The following DSTN variants were observed in gnomAD, a reference collection of about 807,000 sequenced individuals.
DSTN encodes destrin.
DSTN carries 10 observed loss-of-function variants against 16.8 expected under a neutral mutation model. The ratio of observed to expected loss-of-function variants is 0.60; its 90% CI spans 0.37 to 1.01. The LOEUF (loss-of-function observed/expected upper bound fraction) is 1.01. Ranked by LOEUF, DSTN falls within the 50% of genes least tolerant of loss-of-function variation. The probability of loss-of-function intolerance (pLI) is 0.01; values close to 1 mark genes in which losing one functional copy is unlikely to be tolerated. For missense variants in DSTN, 141 were observed against 196.7 expected, an observed-to-expected ratio of 0.72 and a Z score of 1.69; for synonymous variants, 57 against 58.9, an observed-to-expected ratio of 0.97 and a Z score of 0.14.
chr20:17,590,910 C>G (rs2035461905), intron 1 of DSTN, among the ~76,000 whole-genome samples: 1 of 152,098 alleles, frequency 6.6e-6, no homozygotes, highest in South Asian at 2.1e-4. Flanking sequence ...AGTTCGAGAC[C>G]AGCCTGGGCA....
intron 1 of DSTN, chr20:17,591,804 G>C (rs2035472456): frequency 1.3e-6 from 1 of 762,490 alleles, no homozygotes; most frequent in African/African-American, 1.9e-5. Context: ...GTTAGTAGAG[G>C]AATGGGGATG....
At chr20:17,581,497 A>G (rs374979523) in intron 1 of DSTN, among the ~76,000 whole-genome samples, 1 of 151,720 alleles carries the variant, frequency 6.6e-6, no homozygotes, top group African/African-American at 2.4e-5. Context: ...CAAACAAACA[A>G]CAACACAACC....
intron 1 of DSTN, among the ~76,000 whole-genome samples, chr20:17,582,077 ATTTTTT>A (rs35744527): frequency 7.9e-6 from 1 of 126,734 alleles, no homozygotes; most frequent in Non-Finnish European, 1.6e-5. Context: ...TGAAATATAC[ATTTTTT>A]TTTTTTTTTT....
chr20:17,577,504 T>G (rs897837906), intron 1 of DSTN, among the ~76,000 whole-genome samples: 90 of 151,628 alleles, frequency 5.9e-4, no homozygotes, highest in Non-Finnish European at 1.1e-3. Flanking sequence ...GAGGCGGAGG[T>G]TGTGGTGAAC....
chr20:17,582,074 T>C (rs1410711673), intron 1 of DSTN, among the ~76,000 whole-genome samples: 1 of 140,082 alleles, frequency 7.1e-6, no homozygotes, highest in Non-Finnish European at 1.5e-5. Context: ...CTATGAAATA[T>C]ACATTTTTTT....
At chr20:17,577,540 C>G (rs6131975) in intron 1 of DSTN, among the ~76,000 whole-genome samples, 1 of 148,920 alleles carries the variant, frequency 6.7e-6, no homozygotes, top group Non-Finnish European at 1.5e-5. Context: ...GCACTCCAGC[C>G]TGGGCAACAA....
chr20:17,582,254 A>G (rs2035354506), intron 1 of DSTN, among the ~76,000 whole-genome samples: 1 of 151,732 alleles, frequency 6.6e-6, no homozygotes, highest in South Asian at 2.1e-4. Flanking sequence ...AATTTTTTAT[A>G]TCTTTAGTAG....
chr20:17,598,398 C>A lies in DSTN; in HGVS notation c.4-2340C>A, dbSNP rs1190706063. Among the ~76,000 whole-genome samples, 3 of 152,290 alleles carry A rather than the reference C, an allele frequency of 2.0e-5. No individual in the cohort carries two copies. In the South Asian group the frequency reaches 6.2e-4, roughly 32 times the overall value. ...ATTTTAGCCCTCCTAGTGGGTGACTCATTATGGTTTTGAAGTGAAGAGGTA... is the reference window on the plus strand; with the variant it reads ...ATTTTAGCCCTCCTAGTGGGTGACTAATTATGGTTTTGAAGTGAAGAGGTA... On this transcript the variant is annotated intron_variant, in intron 1 of 3. Transcript: ENST00000246069.
intron 1 of DSTN, among the ~76,000 whole-genome samples, chr20:17,579,496 T>C (rs1459789901): frequency 1.3e-5 from 2 of 151,784 alleles, no homozygotes; most frequent in African/African-American, 4.8e-5. Flanking sequence ...GGTGAGAGGA[T>C]TGCTTGAGCC....
chr20:17,609,760 C>T lies in DSTN; in HGVS notation c.*2614C>T, dbSNP rs2035679665. The T allele has an allele frequency of 6.6e-6, 1 of 152,200 alleles. No homozygotes were observed. 9.4% of individuals were successfully genotyped at this position (152,200 alleles called of 1,614,324 possible). ...TGATTGGTCTACTGTTGGTCAGGAACAAAACTGCAAGTATACTCTGTTTCC... is the reference window on the plus strand; with the variant it reads ...TGATTGGTCTACTGTTGGTCAGGAATAAAACTGCAAGTATACTCTGTTTCC... On this transcript the variant is annotated 3_prime_UTR_variant, in exon 4 of 4. Coordinates refer to ENST00000246069, the MANE Select transcript of DSTN (RefSeq NM_006870.4).
chr20:17,576,152 C>T (rs1395982736), intron 1 of DSTN: 1 of 152,132 alleles, frequency 6.6e-6, no homozygotes, highest in Non-Finnish European at 1.5e-5. Flanking sequence ...GTACTAAGAC[C>T]CCCATTGAGT....
intron 1 of DSTN, chr20:17,596,564 TTC>T (rs2035528878): frequency 3.2e-6 from 3 of 952,188 alleles, no homozygotes; most frequent in Admixed American, 6.2e-5. Context: ...CCTTGAATTT[TTC>T]TGTTTTTAAC....
At chr20:17,580,067 G>A (rs1221033716) in intron 1 of DSTN, among the ~76,000 whole-genome samples, 1 of 152,204 alleles carries the variant, frequency 6.6e-6, no homozygotes. Context: ...AAAAGAGTTG[G>A]AGGAGTGCAT....
At chr20:17,577,192 T>C (rs993623394) in intron 1 of DSTN, among the ~76,000 whole-genome samples, 2 of 152,224 alleles carry the variant, frequency 1.3e-5, no homozygotes, top group Non-Finnish European at 2.9e-5. Context: ...AATTTGAAAA[T>C]ATCTGAAATC....
At chr20:17,576,834 T>A (rs778356728) in intron 1 of DSTN, among the ~76,000 whole-genome samples, 31 of 152,228 alleles carry the variant, frequency 2.0e-4, no homozygotes, top group Non-Finnish European at 4.1e-4. Context: ...CTATCTTGGC[T>A]TGCTTTCAGA....
intron 1 of DSTN, among the ~76,000 whole-genome samples, chr20:17,582,579 G>C (rs999581662): frequency 1.3e-5 from 2 of 152,166 alleles, no homozygotes; most frequent in Non-Finnish European, 2.9e-5. Context: ...TGTGACGTGA[G>C]TGCCAGGATA....
chr20:17,585,736 A>C (rs907703870), intron 1 of DSTN, among the ~76,000 whole-genome samples: 2 of 152,118 alleles, frequency 1.3e-5, no homozygotes, highest in African/African-American at 4.8e-5. Context: ...CTTCACACAC[A>C]AAAAATTCCT....
intron 1 of DSTN, among the ~76,000 whole-genome samples, chr20:17,589,093 C>A (rs2035442824): frequency 6.6e-6 from 1 of 152,074 alleles, no homozygotes; most frequent in South Asian, 2.1e-4. Context: ...ATTTGAACTT[C>A]CATATTTCTT....
intron 1 of DSTN, among the ~76,000 whole-genome samples, chr20:17,591,365 G>C (rs1276442129): frequency 6.8e-6 from 1 of 148,112 alleles, no homozygotes; most frequent in African/African-American, 2.5e-5. Context: ...GGGCAATCCT[G>C]TATATTTTAT....
Sources: allele counts gnomAD v4.1 joint callset (sites outside exome capture counted in the v4.1 genomes callset), GRCh38; gene constraint gnomAD v4.1.1; transcripts MANE v1.5; gene names NCBI Gene and HGNC (gene_info 2026-07-23, HGNC 2026-07-21).